DCBLD2: variants seen among roughly 807,000 people sequenced by gnomAD.
The protein encoded by DCBLD2 is discoidin, CUB and LCCL domain containing 2.
In DCBLD2, 54 loss-of-function variants were observed where a neutral mutation model predicts 86.8. That is an observed-to-expected ratio of 0.62 (90% confidence interval 0.50 to 0.78). The LOEUF (loss-of-function observed/expected upper bound fraction) is 0.78, where lower values mean the gene tolerates loss of function less well. Among genes scored for constraint, DCBLD2 ranks in the 30% least tolerant of loss-of-function variants. DCBLD2 has a pLI of 0.00. For synonymous variants in DCBLD2, 354 were observed against 341.3 expected (o/e 1.04, Z -0.41); for missense variants, 908 against 954.2 (o/e 0.95, Z 0.64).
intron 4 of DCBLD2, among the ~76,000 whole-genome samples, chr3:98,823,711 GA>G (rs770020422): frequency 9.2e-5 from 14 of 152,214 alleles, no homozygotes; most frequent in Non-Finnish European, 8.8e-5. Context: ...TAAACTTAAT[GA>G]ATTGCCAGGT....
chr3:98,817,662 A>AT, intron 9 of DCBLD2, 107 bp downstream of exon 9: 1 of 1,097,874 alleles, frequency 9.1e-7, no homozygotes, highest in Non-Finnish European at 1.3e-6. Flanking sequence ...AGAGGGTAGT[A>AT]TAAGACATTC....
chr3:98,821,714 A>G (rs376803339), intron 6 of DCBLD2, among the ~76,000 whole-genome samples: 1 of 152,314 alleles, frequency 6.6e-6, no homozygotes, highest in African/African-American at 2.4e-5. Context: ...TTGAAGAACA[A>G]TAAGCTAAAG....
chr3:98,840,031 A>G (rs992843094), intron 3 of DCBLD2, among the ~76,000 whole-genome samples: 2 of 152,218 alleles, frequency 1.3e-5, no homozygotes, highest in Admixed American at 1.3e-4. Context: ...CAAGTAAAAG[A>G]TGAAGTCAGA....
intron 2 of DCBLD2, among the ~76,000 whole-genome samples, chr3:98,860,169 G>A (rs2262597): frequency 0.35 from 52,858 of 151,918 alleles, 9,341 homozygotes; most frequent in Non-Finnish European, 0.38. Flanking sequence ...AGAGAAATTT[G>A]GAGAAAAAAG....
At chr3:98,856,683 G>C (rs1202558298) in intron 2 of DCBLD2, among the ~76,000 whole-genome samples, 1 of 151,980 alleles carries the variant, frequency 6.6e-6, no homozygotes, top group Non-Finnish European at 1.5e-5. Flanking sequence ...ACTAGGGGCA[G>C]AAATGGACAA....
intron 1 of DCBLD2, among the ~76,000 whole-genome samples, chr3:98,897,965 C>T (rs1943779352): frequency 6.6e-6 from 1 of 151,974 alleles, no homozygotes; most frequent in Admixed American, 6.6e-5. Context: ...AAATTTAATA[C>T]AATAGCAAAT....
chr3:98,866,427 T>C (rs1450924969), intron 2 of DCBLD2, among the ~76,000 whole-genome samples: 1 of 152,208 alleles, frequency 6.6e-6, no homozygotes, highest in East Asian at 1.9e-4. Context: ...TGGTATCTCA[T>C]TGTGGTTTTG....
intron 13 of DCBLD2, among the ~76,000 whole-genome samples, chr3:98,806,898 C>G (rs1941849726): frequency 6.6e-6 from 1 of 152,180 alleles, no homozygotes; most frequent in Non-Finnish European, 1.5e-5. Flanking sequence ...CACTCCATCT[C>G]TTCTCCCTTT....
intron 3 of DCBLD2, among the ~76,000 whole-genome samples, chr3:98,846,076 C>A (rs562367506): frequency 1.3e-5 from 2 of 152,294 alleles, no homozygotes; most frequent in Admixed American, 1.3e-4. Flanking sequence ...TTATCTACTG[C>A]TGTTTCCTTG....
chr3:98,831,529 A>G (rs992337658), intron 3 of DCBLD2, among the ~76,000 whole-genome samples: 2 of 151,914 alleles, frequency 1.3e-5, no homozygotes, highest in African/African-American at 4.8e-5. Context: ...TTACTTTTCT[A>G]GTTCTTTTAG....
intron 2 of DCBLD2, among the ~76,000 whole-genome samples, chr3:98,860,663 C>G (rs984403928): frequency 6.6e-6 from 1 of 152,176 alleles, no homozygotes; most frequent in Non-Finnish European, 1.5e-5. Context: ...ACTTTACAGA[C>G]AAGCAAACGC....
chr3:98,901,083 G>C, intron 1 of DCBLD2, 39 bp downstream of exon 1: 1 of 1,537,130 alleles, frequency 6.5e-7, no homozygotes, highest in Non-Finnish European at 8.7e-7. Context: ...CAGCCCCGAC[G>C]GAGGTTCCCC....
At chr3:98,810,882 T>C (rs1260113302) in intron 12 of DCBLD2, among the ~76,000 whole-genome samples, 1 of 152,176 alleles carries the variant, frequency 6.6e-6, no homozygotes, top group Non-Finnish European at 1.5e-5. Flanking sequence ...ATTTCAGTTA[T>C]TTCTAGAAAA....
At chr3:98,868,366 T>C (rs985237252) in intron 2 of DCBLD2, among the ~76,000 whole-genome samples, 6 of 152,200 alleles carry the variant, frequency 3.9e-5, no homozygotes, top group African/African-American at 1.4e-4. Flanking sequence ...TAAGAAGATA[T>C]GATACATGCT....
intron 1 of DCBLD2, among the ~76,000 whole-genome samples, chr3:98,888,067 T>TG (rs1943592872): frequency 6.6e-6 from 1 of 152,032 alleles, no homozygotes; most frequent in South Asian, 2.1e-4. Context: ...ATCAAACAGT[T>TG]GGAATCACAT....
chr3:98,877,188 G>GA (rs1166133656), intron 2 of DCBLD2, among the ~76,000 whole-genome samples: 1 of 152,036 alleles, frequency 6.6e-6, no homozygotes, highest in Non-Finnish European at 1.5e-5. Context: ...CAAGGATAAA[G>GA]AAAAAACCTA....
At chr3:98,801,008 A>T (rs562224275) in intron 14 of DCBLD2, among the ~76,000 whole-genome samples, 133 of 151,746 alleles carry the variant, frequency 8.8e-4, no homozygotes, top group African/African-American at 2.9e-3. Context: ...TTTCCCAAAA[A>T]ATATTTTCCA....
intron 1 of DCBLD2, chr3:98,890,511 C>T (rs1042885040): frequency 1.3e-4 from 20 of 151,682 alleles, no homozygotes; most frequent in African/African-American, 4.6e-4. Flanking sequence ...TTACAGCTGC[C>T]CTAGGAAACA....
chr3:98,883,572 C>A (rs917122468), intron 1 of DCBLD2, among the ~76,000 whole-genome samples: 1 of 152,108 alleles, frequency 6.6e-6, no homozygotes, highest in African/African-American at 2.4e-5. Context: ...TTTGTTTTTA[C>A]TGAGCACCCA....
Sources: gnomAD v4.1 joint callset for allele counts (sites outside exome capture counted in the v4.1 genomes callset) on GRCh38, gnomAD v4.1.1 for gene constraint, MANE v1.5 for transcripts, NCBI Gene and HGNC (gene_info 2026-07-23, HGNC 2026-07-21) for gene names.